The following DNAH14 variants were observed in gnomAD, a reference collection of about 807,000 sequenced individuals.
DNAH14 encodes axonemal beta dynein heavy chain 14.
Under a neutral mutation model 520.9 loss-of-function variants are expected in DNAH14, and 478 were observed. That is an observed-to-expected ratio of 0.92 (90% CI 0.85 to 0.99). The LOEUF is 0.99. Among genes scored for constraint, DNAH14 ranks in the 50% least tolerant of loss-of-function variants. The pLI is 0.00. For synonymous variants in DNAH14, 1,581 were observed against 1,757.2 expected (o/e 0.90, Z 2.51); for missense variants, 4,831 against 5,234.5 (o/e 0.92, Z 2.38).
chr1:225,052,804 G>A (rs536235612), intron 17 of DNAH14, among the ~76,000 whole-genome samples: 1 of 152,322 alleles, frequency 6.6e-6, no homozygotes, highest in South Asian at 2.1e-4. Flanking sequence ...ACGACAGAAA[G>A]CAAAAGGTAA....
intron 77 of DNAH14, among the ~76,000 whole-genome samples, chr1:225,369,680 C>T (rs950692977): frequency 6.6e-6 from 1 of 151,910 alleles, no homozygotes; most frequent in African/African-American, 2.4e-5. Context: ...GACTAACATC[C>T]CTCTAATAAA....
At chr1:224,991,804 G>C (rs2063073337) in intron 8 of DNAH14, among the ~76,000 whole-genome samples, 1 of 152,082 alleles carries the variant, frequency 6.6e-6, no homozygotes, top group African/African-American at 2.4e-5. Context: ...ATCATTGATG[G>C]ACATTTGGGT....
At position 225,232,236 on chromosome 1, in the gene DNAH14, A is replaced by G. The variant is rs191231405; in HGVS notation, c.6518+1085A>G. On this transcript the variant is annotated intron_variant, in intron 42 of 85. Coordinates refer to ENST00000682510, the MANE Select transcript of DNAH14 (RefSeq NM_001367479.1). The surrounding 1 kb of genome is among the most constrained non-coding windows in gnomAD (Gnocchi z 4.2). ...TTCTTATTTCTTTTCACTGCTACCT[A>G]CTAGTCCATTGTCATTATATATATA... Among the ~76,000 whole-genome samples the G allele has an allele frequency of 1.3e-5, 2 of 151,736 alleles. No individual in the cohort carries two copies. The highest frequency in any genetic ancestry group is 4.8e-5 in the African/African-American group (2 of 41,394).
At chr1:225,171,412 A>G (rs1254225861) in intron 36 of DNAH14, among the ~76,000 whole-genome samples, 1 of 152,106 alleles carries the variant, frequency 6.6e-6, no homozygotes. Context: ...AATGAAATAG[A>G]TGCAATAAAA....
intron 76 of DNAH14, among the ~76,000 whole-genome samples, chr1:225,365,386 G>T (rs1249711359): frequency 6.6e-6 from 1 of 152,150 alleles, no homozygotes; most frequent in Non-Finnish European, 1.5e-5. Context: ...TGACCAAAAG[G>T]TGGGGTCCTA....
intron 53 of DNAH14, among the ~76,000 whole-genome samples, chr1:225,276,290 A>T (rs1170349222): frequency 1.3e-5 from 2 of 152,198 alleles, no homozygotes. Context: ...GAACATTAGA[A>T]GTACAGTTTT....
chr1:225,096,115 G>A (rs556188389), intron 21 of DNAH14, among the ~76,000 whole-genome samples: 45 of 150,974 alleles, frequency 3.0e-4, no homozygotes, highest in African/African-American at 1.1e-3. Context: ...TACCGGCACC[G>A]CCACCATGCC....
In DNAH14 at chr1:225,318,564, A is replaced by T; in HGVS notation, c.9241-19A>T. ...TATATTGATTCATATGTGTTTGGGG[A>T]CCTATATTTTTATTGCAGAAAACTG... On this transcript the variant is annotated intron_variant, in intron 60 of 85. Transcript: ENST00000682510. 6.5e-7 allele frequency: 1 copy of T among 1,535,660 alleles called. No individual in the cohort carries two copies. The highest frequency in any genetic ancestry group is 8.8e-7 in the Non-Finnish European group (1 of 1,141,098).
intron 77 of DNAH14, 71 bp from the exon 78 acceptor site, chr1:225,374,617 A>G (rs962964750): frequency 1.5e-6 from 2 of 1,300,188 alleles, no homozygotes; most frequent in African/African-American, 1.5e-5. Context: ...AGTTGATTTT[A>G]TGTTAAAAAG....
chr1:225,225,219 A>T (rs2090424689), intron 41 of DNAH14, among the ~76,000 whole-genome samples: 1 of 152,176 alleles, frequency 6.6e-6, no homozygotes, highest in Non-Finnish European at 1.5e-5. Flanking sequence ...ACAGGTGTTA[A>T]CCCTAGAGGA....
intron 10 of DNAH14, among the ~76,000 whole-genome samples, chr1:225,010,507 T>C (rs540189710): frequency 6.6e-6 from 1 of 152,316 alleles, no homozygotes; most frequent in East Asian, 1.9e-4. Flanking sequence ...CAATATTTTA[T>C]TGAGGATTTT....
In DNAH14 at chr1:224,964,624, T is replaced by C. The variant is rs758247850; in HGVS notation, c.498+15T>C. The C allele has an allele frequency of 1.3e-6, 2 of 1,515,326 alleles. No homozygotes were observed. Among genetic ancestry groups the C allele is most frequent in the South Asian group, 2.8e-5 (2 of 70,374 alleles). The allele number at this position is 1,515,326 out of a possible 1,614,324, so 93.9% of individuals were successfully genotyped here. On this transcript the variant is annotated intron_variant, in intron 5 of 85. Transcript: ENST00000682510. ...TTACTTTAAAGGTATTGTTCTATTTTATTTAATTTTGATCTTTAAAAATCA... is the reference window on the plus strand; with the variant it reads ...TTACTTTAAAGGTATTGTTCTATTTCATTTAATTTTGATCTTTAAAAATCA...
intron 8 of DNAH14, among the ~76,000 whole-genome samples, chr1:225,000,006 T>C (rs948904666): frequency 3.3e-5 from 5 of 152,204 alleles, no homozygotes; most frequent in African/African-American, 1.2e-4. Context: ...TCTTTCTTCC[T>C]TTTTAATGTT....
intron 66 of DNAH14, among the ~76,000 whole-genome samples, chr1:225,336,048 T>TATATATGTAC (rs1331996785): frequency 7.0e-6 from 1 of 142,658 alleles, no homozygotes. Flanking sequence ...CATATATGCA[T>TATATATGTAC]ATATACATAT....
intron 23 of DNAH14, among the ~76,000 whole-genome samples, chr1:225,108,582 T>G (rs1183623270): frequency 6.6e-6 from 1 of 152,198 alleles, no homozygotes; most frequent in African/African-American, 2.4e-5. Context: ...TAGAGCTGTT[T>G]GAACTCCATG....
At chr1:225,374,509 C>T (rs193259433) in intron 77 of DNAH14, among the ~76,000 whole-genome samples, 179 bp from the exon 78 acceptor site, 1 of 151,950 alleles carries the variant, frequency 6.6e-6, no homozygotes, top group African/African-American at 2.4e-5. Context: ...GATCCGCCTG[C>T]CTTGGCCTCC....
intron 34 of DNAH14, among the ~76,000 whole-genome samples, chr1:225,157,550 C>T (rs1442668617): frequency 6.6e-6 from 1 of 152,110 alleles, no homozygotes; most frequent in African/African-American, 2.4e-5. Context: ...TGTCCAATAA[C>T]AGAATATTGT....
intron 7 of DNAH14, among the ~76,000 whole-genome samples, chr1:224,972,162 A>G (rs940777386): frequency 1.3e-5 from 2 of 152,128 alleles, no homozygotes; most frequent in African/African-American, 2.4e-5. Flanking sequence ...ATCAATGTCT[A>G]TAGTCAAAAT....
rs550254307 is a variant in DNAH14 at position 225,159,366 on chromosome 1, G to A, written c.5326G>A (p.Ala1776Thr). The change falls in exon 35 of 86, where the codon GCT (alanine) becomes ACT (threonine). Residue 1776 changes from alanine (A) to threonine (T), a missense_variant. Coordinates refer to ENST00000682510, the MANE Select transcript of DNAH14 (RefSeq NM_001367479.1). ...EADETLIVIE[A>T]IREASLPKCP... ...AGATGAAACCTTGATTGTTATCGAG[G>A]CTATAAGAGAAGCTAGTTTGCCAAA... is the stretch of plus-strand genomic sequence containing the variant. The A allele has an allele frequency of 2.6e-6, 4 of 1,551,566 alleles. No individual in the cohort carries two copies. In the African/African-American group the frequency reaches 4.1e-5, roughly 16 times the overall value.
Sources: gnomAD v4.1 joint callset for allele counts (sites outside exome capture counted in the v4.1 genomes callset) on GRCh38, gnomAD v4.1.1 for gene constraint, Gnocchi (gnomAD v3.1) non-coding constraint, MANE v1.5 for transcripts, NCBI Gene and HGNC (gene_info 2026-07-23, HGNC 2026-07-21) for gene names.